Variants in ZNF536 observed in about 807,000 individuals in gnomAD.
ZNF536 encodes zinc finger protein 536.
In ZNF536, 13 loss-of-function variants were observed where a neutral mutation model predicts 84.5. The ratio of observed to expected loss-of-function variants is 0.15; its 90% CI spans 0.10 to 0.24. ZNF536 has a LOEUF of 0.24. Among genes scored for constraint, ZNF536 ranks in the 10% least tolerant of loss-of-function variants. The pLI is 1.00. For missense variants in ZNF536, 1,536 were observed against 1,747.5 expected (o/e 0.88, Z 2.16); for synonymous variants, 811 against 742.5 (o/e 1.09, Z -1.50).
At chr19:30,264,072 T>G (rs1006860358) in intron 1 of ZNF536, among the ~76,000 whole-genome samples, 1 of 152,220 alleles carries the variant, frequency 6.6e-6, no homozygotes, top group Admixed American at 6.5e-5. Flanking sequence ...CCATATTTAA[T>G]TCAAATGAGA....
intron 1 of ZNF536, among the ~76,000 whole-genome samples, chr19:30,391,530 C>G (rs1176196906): frequency 6.6e-6 from 1 of 152,076 alleles, no homozygotes; most frequent in Non-Finnish European, 1.5e-5. Flanking sequence ...GAGCTGAGAT[C>G]GCACCATTGC....
At chr19:30,411,425 G>T (rs931002174) in intron 1 of ZNF536, among the ~76,000 whole-genome samples, 1 of 151,962 alleles carries the variant, frequency 6.6e-6, no homozygotes, top group Non-Finnish European at 1.5e-5. Flanking sequence ...ACTTTATATG[G>T]CTTCATTTTA....
chr19:30,564,897 G>A (rs913120539), intron 1 of ZNF536, among the ~76,000 whole-genome samples: 7 of 152,154 alleles, frequency 4.6e-5, no homozygotes, highest in Non-Finnish European at 1.0e-4. Context: ...GCCTGGGCTC[G>A]GCGGGGCCAC....
intron 1 of ZNF536, among the ~76,000 whole-genome samples, chr19:30,646,309 A>G (rs1333338434): frequency 6.6e-6 from 1 of 151,546 alleles, no homozygotes; most frequent in African/African-American, 2.4e-5. Flanking sequence ...CATCATTTCC[A>G]CCTAAGCACA....
Position 30,548,202 on chromosome 19 carries a change from A to G in ZNF536, c.2583A>G (p.Ser861=), listed in dbSNP as rs773739069. 3.1e-6 allele frequency: 5 copies of G among 1,614,080 alleles called. No individual in the cohort carries two copies. The highest frequency in any genetic ancestry group is 2.2e-5 in the East Asian group (1 of 44,888). ...GCCCTGCATCTCAGCAGTGGACATC[A>G]GGGGTTCTCTCCTCTGGAGATCACT... The part of the protein sequence containing the change: ...RGGPASQQWT[S]GVLSSGDHSG... The change falls in exon 4 of 5, where the codon TCA becomes TCG. Residue 861 remains serine, a synonymous_variant. Transcript: ENST00000355537.
intron 1 of ZNF536, among the ~76,000 whole-genome samples, chr19:30,271,249 T>G (rs2025818763): frequency 6.6e-6 from 1 of 151,694 alleles, no homozygotes; most frequent in South Asian, 2.1e-4. Context: ...TACTGAGCAC[T>G]GCTTGCAGAG....
intron 1 of ZNF536, among the ~76,000 whole-genome samples, chr19:30,633,745 T>A (rs1488191153): frequency 3.3e-5 from 5 of 152,208 alleles, no homozygotes; most frequent in South Asian, 2.1e-4. Flanking sequence ...TTAAATTTTT[T>A]AATTTTTTTG....
chr19:30,374,640 A>AT (rs2048737311), intron 1 of ZNF536, among the ~76,000 whole-genome samples: 1 of 151,828 alleles, frequency 6.6e-6, no homozygotes, highest in Non-Finnish European at 1.5e-5. Context: ...AAAGGGGGTA[A>AT]TTTTTTGGCA....
At chr19:30,647,061 G>A (rs1473675595) in intron 1 of ZNF536, among the ~76,000 whole-genome samples, 1 of 152,088 alleles carries the variant, frequency 6.6e-6, no homozygotes, top group Non-Finnish European at 1.5e-5. Flanking sequence ...GTGCACAAAA[G>A]CTTTCTTAAA....
intron 1 of ZNF536, among the ~76,000 whole-genome samples, chr19:30,634,396 C>A (rs1385192427): frequency 6.6e-6 from 1 of 152,142 alleles, no homozygotes; most frequent in Non-Finnish European, 1.5e-5. Context: ...ACTTGGAAAG[C>A]TCTGGCTAAG....
chr19:30,584,571 C>A (rs1238753323), intron 1 of ZNF536, among the ~76,000 whole-genome samples: 1 of 152,146 alleles, frequency 6.6e-6, no homozygotes, highest in Non-Finnish European at 1.5e-5. Context: ...GGAGACACAG[C>A]CCAAAATGCC....
At chr19:30,443,485 C>T (rs961708952) in intron 1 of ZNF536, 76 bp from the exon 2 acceptor site, 7 of 1,482,792 alleles carry the variant, frequency 4.7e-6, no homozygotes, top group African/African-American at 2.8e-5. Context: ...ATGGAAATTC[C>T]CTGCCCGCCA....
intron 1 of ZNF536, among the ~76,000 whole-genome samples, chr19:30,701,671 C>G (rs901026118): frequency 6.6e-6 from 1 of 152,216 alleles, no homozygotes; most frequent in Non-Finnish European, 1.5e-5. Context: ...TTCCAGCAAG[C>G]AGGTTGCAGT....
intron 2 of ZNF536, among the ~76,000 whole-genome samples, chr19:30,479,468 G>C (rs956923002): frequency 6.6e-6 from 1 of 152,246 alleles, no homozygotes; most frequent in African/African-American, 2.4e-5. Flanking sequence ...GTCGTGGAAG[G>C]AGACAGGAAT....
At chr19:30,259,899 C>T (rs1338695848) in intron 1 of ZNF536, among the ~76,000 whole-genome samples, 3 of 150,412 alleles carry the variant, frequency 2.0e-5, no homozygotes, top group East Asian at 4.0e-4. Flanking sequence ...TTACAGGCAC[C>T]ACCACCATGC....
intron 3 of ZNF536, among the ~76,000 whole-genome samples, chr19:30,365,684 A>C (rs6510154): frequency 0.95 from 144,630 of 152,270 alleles, 68,776 homozygotes; most frequent in African/African-American, 0.97. Context: ...GCGGGGAATG[A>C]GAGGACTGAC....
intron 2 of ZNF536, among the ~76,000 whole-genome samples, chr19:30,510,721 C>T (rs556396541): frequency 6.6e-6 from 1 of 152,332 alleles, no homozygotes; most frequent in Admixed American, 6.5e-5. Flanking sequence ...GCTCTCAGCC[C>T]AGATGCATCC....
chr19:30,450,323 G>A (rs1040631364), intron 2 of ZNF536, among the ~76,000 whole-genome samples: 1 of 152,060 alleles, frequency 6.6e-6, no homozygotes. Context: ...GGGGGCTGGA[G>A]GGGGGGAGAG....
chr19:30,454,745 A>T (rs114678292), intron 2 of ZNF536, among the ~76,000 whole-genome samples: 3 of 152,064 alleles, frequency 2.0e-5, no homozygotes, highest in African/African-American at 7.2e-5. Flanking sequence ...AAACCTTTCC[A>T]CTTGGGACCG....
Sources: gnomAD v4.1 joint callset for allele counts (sites outside exome capture counted in the v4.1 genomes callset) on GRCh38, gnomAD v4.1.1 for gene constraint, MANE v1.5 for transcripts, NCBI Gene and HGNC (gene_info 2026-07-23, HGNC 2026-07-21) for gene names.